The following ARHGAP10 variants were observed in gnomAD, a reference collection of about 807,000 sequenced individuals.
The protein encoded by ARHGAP10 is rho GTPase-activating protein 10.
Under a neutral mutation model 108.6 loss-of-function variants are expected in ARHGAP10, and 87 were observed. The ratio of observed to expected loss-of-function variants is 0.80; its 90% CI spans 0.67 to 0.96. The LOEUF (loss-of-function observed/expected upper bound fraction) is 0.96. ARHGAP10 is among the 40% of genes least tolerant of loss of function. ARHGAP10 has a pLI of 0.00. For missense variants in ARHGAP10, 939 were observed against 954.5 expected, an observed-to-expected ratio of 0.98 and a Z score of 0.21; for synonymous variants, 347 against 341.1, an observed-to-expected ratio of 1.02 and a Z score of -0.19.
Position 147,732,103 on chromosome 4 carries a change from G to A in ARHGAP10, c.-199G>A. 1 of 374,756 alleles carries A rather than the reference G, an allele frequency of 2.7e-6. No homozygotes were observed. Among genetic ancestry groups the A allele is most frequent in the Non-Finnish European group, 4.5e-6 (1 of 221,962 alleles). 23.2% of individuals were successfully genotyped at this position (374,756 alleles called of 1,614,324 possible). A position where few individuals can be genotyped will look rare whatever the true frequency, so the allele number is the denominator to read the frequency against. Reference sequence around the variant, plus strand: ...TGCCGGGATTGGGGCGCCGCAGCTAGCGCTGGTCTCGGTGGCAGCTCCTCC... The same window carrying A: ...TGCCGGGATTGGGGCGCCGCAGCTAACGCTGGTCTCGGTGGCAGCTCCTCC... On this transcript the variant is annotated 5_prime_UTR_variant, in exon 1 of 23. Coordinates refer to ENST00000336498, the MANE Select transcript of ARHGAP10 (RefSeq NM_024605.4).
At chr4:148,061,612 T>C (rs1178841866) in intron 20 of ARHGAP10, among the ~76,000 whole-genome samples, 2 of 101,986 alleles carry the variant, frequency 2.0e-5, no homozygotes, top group African/African-American at 2.9e-5. Flanking sequence ...AGAAGAATAA[T>C]GTTTTTTTTT....
At chr4:147,909,963 T>G (rs554639649) in intron 12 of ARHGAP10, among the ~76,000 whole-genome samples, 186 bp downstream of exon 12, 1 of 152,246 alleles carries the variant, frequency 6.6e-6, no homozygotes, top group African/African-American at 2.4e-5. Flanking sequence ...CCTCAACATT[T>G]CTTGGACTAC....
At chr4:147,830,426 C>T (rs572274662) in intron 3 of ARHGAP10, among the ~76,000 whole-genome samples, 3 of 151,694 alleles carry the variant, frequency 2.0e-5, no homozygotes, top group East Asian at 1.9e-4. Flanking sequence ...ACTTTTGACA[C>T]GGATTTTTGT....
intron 13 of ARHGAP10, among the ~76,000 whole-genome samples, chr4:147,932,372 T>C (rs938071679): frequency 2.0e-5 from 3 of 152,136 alleles, no homozygotes; most frequent in African/African-American, 7.2e-5. Context: ...ACATTACTTT[T>C]CACAATTGCA....
chr4:147,791,995 C>T (rs994131468), intron 1 of ARHGAP10, among the ~76,000 whole-genome samples: 6 of 152,214 alleles, frequency 3.9e-5, no homozygotes, highest in Admixed American at 1.3e-4. Flanking sequence ...TGTCTCCTGA[C>T]GCGTGTATGA....
intron 9 of ARHGAP10, among the ~76,000 whole-genome samples, chr4:147,879,652 A>G (rs573495264): frequency 3.3e-5 from 5 of 152,146 alleles, no homozygotes; most frequent in African/African-American, 1.2e-4. Context: ...CCATCAACCC[A>G]TCATCTACAT....
rs556425788 is a variant in ARHGAP10 at position 148,012,160 on chromosome 4, G to A, written c.1717-11103G>A. On this transcript the variant is annotated intron_variant, in intron 18 of 22. Coordinates refer to ENST00000336498, the MANE Select transcript of ARHGAP10 (RefSeq NM_024605.4). ...TCTCTCTCCTTTCAGTTAAGGGGAT[G>A]TGCCTGACAGTGTGTCATTACTTCA... 1.2e-3 allele frequency among the ~76,000 whole-genome samples: 179 copies of A among 152,328 alleles called. 2 individuals carry two copies. Among genetic ancestry groups the A allele is most frequent in the Middle Eastern group, 6.8e-3 (2 of 294 alleles).
At chr4:147,813,105 A>G (rs72724335) in intron 1 of ARHGAP10, among the ~76,000 whole-genome samples, 9 of 150,130 alleles carry the variant, frequency 6.0e-5, no homozygotes, top group South Asian at 4.2e-4. Flanking sequence ...GCCTGTTGCA[A>G]TTTTTTACAT....
chr4:147,823,030 C>A lies in ARHGAP10; in HGVS notation c.312+73C>A. The A allele has an allele frequency of 2.8e-6, 4 of 1,435,068 alleles. No homozygotes were observed. In the South Asian group the frequency reaches 4.7e-5, roughly 17 times the overall value. The allele number at this position is 1,435,068 out of a possible 1,614,324, so 88.9% of individuals were successfully genotyped here. A position where few individuals can be genotyped will look rare whatever the true frequency, so the allele number is the denominator to read the frequency against. On this transcript the variant is annotated intron_variant, in intron 3 of 22. Transcript: ENST00000336498. ...AAAAATCTGGATTTGGAAGCTTGTT[C>A]TGGTAGAAGTTGTGAAGCATTTATC...
chr4:147,872,467 G>A (rs1235336050), intron 7 of ARHGAP10, among the ~76,000 whole-genome samples: 1 of 152,204 alleles, frequency 6.6e-6, no homozygotes, highest in Non-Finnish European at 1.5e-5. Flanking sequence ...GTGATTGTGT[G>A]TTTATATAAA....
intron 20 of ARHGAP10, among the ~76,000 whole-genome samples, chr4:148,058,269 G>C (rs1308215090): frequency 1.3e-5 from 2 of 152,202 alleles, no homozygotes; most frequent in Non-Finnish European, 2.9e-5. Context: ...CCTGGCAAAT[G>C]AGAGTTTAGA....
intron 10 of ARHGAP10, among the ~76,000 whole-genome samples, chr4:147,889,570 G>C (rs1735708031): frequency 6.6e-6 from 1 of 152,238 alleles, no homozygotes; most frequent in Admixed American, 6.5e-5. Context: ...AAAGTGCTGG[G>C]ATTACAGGCA....
intron 1 of ARHGAP10, among the ~76,000 whole-genome samples, chr4:147,735,983 A>G (rs1728395566): frequency 1.3e-5 from 2 of 152,220 alleles, no homozygotes; most frequent in African/African-American, 4.8e-5. Flanking sequence ...TGCTTTTCTC[A>G]TAAATTTTAC....
At chr4:147,988,555 C>T (rs914832934) in intron 18 of ARHGAP10, among the ~76,000 whole-genome samples, 1 of 152,162 alleles carries the variant, frequency 6.6e-6, no homozygotes, top group African/African-American at 2.4e-5. Flanking sequence ...GCTTTGGGTT[C>T]TGTTTCCAGA....
In ARHGAP10 at chr4:147,941,355, G is replaced by C. The variant is rs113189325; in HGVS notation, c.1303+1456G>C. On this transcript the variant is annotated intron_variant, in intron 14 of 22. Coordinates refer to ENST00000336498, the MANE Select transcript of ARHGAP10 (RefSeq NM_024605.4). ...TGTTGGTCATCTCATAAAATTCTACGTGTACAGCATTGCTAAACTCAGCGT... is the reference window on the plus strand; with the variant it reads ...TGTTGGTCATCTCATAAAATTCTACCTGTACAGCATTGCTAAACTCAGCGT... Among the ~76,000 whole-genome samples the C allele has an allele frequency of 6.6e-4, 100 of 152,224 alleles. 3 individuals are homozygous for C. The highest frequency in any genetic ancestry group is 1.2e-3 in the African/African-American group (50 of 41,542).
chr4:147,804,164 C>G (rs1731689323), intron 1 of ARHGAP10, among the ~76,000 whole-genome samples: 1 of 152,022 alleles, frequency 6.6e-6, no homozygotes, highest in Non-Finnish European at 1.5e-5. Context: ...TACCCTCCAC[C>G]CTCAAGTAGC....
In ARHGAP10 at chr4:147,901,068, C is replaced by T. The variant is rs184298527; in HGVS notation, c.1035-5570C>T. ...AATATGTCCTTTGTTTCAAAAACTA[C>T]AGAATTTTTATATTTTGGTTTAACA... On this transcript the variant is annotated intron_variant, in intron 10 of 22. Coordinates refer to ENST00000336498, the MANE Select transcript of ARHGAP10 (RefSeq NM_024605.4). Among the ~76,000 whole-genome samples, 178 of 152,244 alleles carry T rather than the reference C, an allele frequency of 1.2e-3. 1 individual carries two copies. Among genetic ancestry groups the T allele is most frequent in the Non-Finnish European group, 4.6e-4 (31 of 68,004 alleles).
intron 10 of ARHGAP10, among the ~76,000 whole-genome samples, chr4:147,895,544 G>A (rs1425263518): frequency 2.7e-5 from 4 of 150,230 alleles, no homozygotes; most frequent in Non-Finnish European, 5.9e-5. Context: ...AATTAGCCAG[G>A]TATGGTGGTA....
intron 1 of ARHGAP10, among the ~76,000 whole-genome samples, chr4:147,789,689 T>C (rs1731040722): frequency 6.6e-6 from 1 of 152,226 alleles, no homozygotes. Flanking sequence ...AGTTTTCAGG[T>C]AAATGGAGAC....
Sources: allele counts gnomAD v4.1 joint callset (sites outside exome capture counted in the v4.1 genomes callset), GRCh38; gene constraint gnomAD v4.1.1; transcripts MANE v1.5; gene names NCBI Gene and HGNC (gene_info 2026-07-23, HGNC 2026-07-21).